Variants in SV2C observed in about 807,000 individuals in gnomAD.
SV2C encodes the protein synaptic vesicle glycoprotein 2C, also known as solute carrier family 22 member B3.
Under a neutral mutation model 79.7 loss-of-function variants are expected in SV2C, and 49 were observed. The observed-to-expected ratio is 0.61, with a 90% CI of 0.49 to 0.78. The LOEUF (loss-of-function observed/expected upper bound fraction) is 0.78. Ranked by LOEUF, SV2C falls within the 30% of genes least tolerant of loss-of-function variation. The probability of loss-of-function intolerance (pLI) is 0.00; values close to 1 mark genes in which losing one functional copy is unlikely to be tolerated. For synonymous variants in SV2C, 334 were observed against 333.2 expected (o/e 1.00, Z -0.03); for missense variants, 833 against 912.9 (o/e 0.91, Z 1.13).
the SV2C span, among the ~76,000 whole-genome samples, chr5:75,971,524 A>T: frequency 6.6e-6 from 1 of 152,088 alleles, no homozygotes; most frequent in Non-Finnish European, 1.5e-5. Flanking sequence ...ATTCTTATAC[A>T]CCAATAACAG....
At chr5:76,031,433 AC>A in the SV2C span, among the ~76,000 whole-genome samples, 3 of 152,064 alleles carry the variant, frequency 2.0e-5, no homozygotes, top group Non-Finnish European at 4.4e-5. Context: ...AGACCTACAC[AC>A]CCCTTCTTGC....
intron 1 of SV2C, among the ~76,000 whole-genome samples, chr5:76,089,524 A>C (rs943765755): frequency 3.3e-5 from 5 of 152,222 alleles, no homozygotes; most frequent in South Asian, 2.1e-4. Flanking sequence ...AATGATTTAT[A>C]TTCCTTTGGT....
chr5:75,889,656 TCTGAGGCA>T, the SV2C span, among the ~76,000 whole-genome samples: 2 of 152,152 alleles, frequency 1.3e-5, no homozygotes, highest in African/African-American at 4.8e-5. Flanking sequence ...ACAGTCGCAT[TCTGAGGCA>T]CTGGGGTCAG....
chr5:75,853,294 C>T, the SV2C span, among the ~76,000 whole-genome samples: 3 of 152,190 alleles, frequency 2.0e-5, no homozygotes, highest in South Asian at 4.1e-4. Context: ...CGGTGGCTCA[C>T]GCCTGTAATC....
intron 2 of SV2C, among the ~76,000 whole-genome samples, chr5:76,187,543 C>T (rs571104820): frequency 6.6e-6 from 1 of 152,132 alleles, no homozygotes; most frequent in East Asian, 1.9e-4. Context: ...TAAATATTCT[C>T]TCATGCAAAT....
At chr5:76,190,545 G>A (rs148279252) in intron 2 of SV2C, among the ~76,000 whole-genome samples, 14 of 152,276 alleles carry the variant, frequency 9.2e-5, no homozygotes, top group East Asian at 3.9e-4. Context: ...ATCTAGAGTC[G>A]GGGATTCGCT....
intron 2 of SV2C, among the ~76,000 whole-genome samples, chr5:76,142,266 T>C (rs1325015723): frequency 6.6e-6 from 1 of 152,166 alleles, no homozygotes. Context: ...AAAATTGAGG[T>C]CTCTAATCAA....
chr5:76,283,845 C>T (rs1233179410), intron 4 of SV2C, among the ~76,000 whole-genome samples: 1 of 152,160 alleles, frequency 6.6e-6, no homozygotes, highest in East Asian at 1.9e-4. Flanking sequence ...GATTCTGTCT[C>T]AAGTCCTGGC....
At chr5:75,936,972 A>G in the SV2C span, among the ~76,000 whole-genome samples, 4 of 152,222 alleles carry the variant, frequency 2.6e-5, no homozygotes, top group Non-Finnish European at 5.9e-5. Flanking sequence ...AACCATCTTA[A>G]TAATCAATGG....
the SV2C span, among the ~76,000 whole-genome samples, chr5:75,896,813 G>A: frequency 2.0e-5 from 3 of 148,924 alleles, no homozygotes; most frequent in Non-Finnish European, 2.9e-5. Flanking sequence ...TTTCTCTGAC[G>A]GCCAGTGATG....
chr5:76,112,242 A>T (rs1294768892), intron 1 of SV2C, among the ~76,000 whole-genome samples: 1 of 152,162 alleles, frequency 6.6e-6, no homozygotes, highest in Non-Finnish European at 1.5e-5. Context: ...GGCATAAAGG[A>T]TCAGGGCATG....
chr5:76,276,040 G>A (rs1187451903), intron 4 of SV2C, among the ~76,000 whole-genome samples: 1 of 152,202 alleles, frequency 6.6e-6, no homozygotes, highest in Non-Finnish European at 1.5e-5. Context: ...CACTTTCCCA[G>A]TTGATTGTGG....
At chr5:75,911,904 C>T in the SV2C span, 28 of 499,762 alleles carry the variant, frequency 5.6e-5, no homozygotes, top group African/African-American at 5.3e-4. Context: ...TCACCCCACA[C>T]CTCCCCAAAG....
At chr5:75,955,452 A>G in the SV2C span, among the ~76,000 whole-genome samples, 1 of 151,154 alleles carries the variant, frequency 6.6e-6, no homozygotes, top group African/African-American at 2.5e-5. Context: ...CTAGAAGAAA[A>G]CTTAGGCATT....
the SV2C span, among the ~76,000 whole-genome samples, chr5:75,904,034 A>G: frequency 6.6e-6 from 1 of 152,158 alleles, no homozygotes; most frequent in Non-Finnish European, 1.5e-5. Context: ...GGGGGTGGTT[A>G]TAGAGTTTTA....
intron 4 of SV2C, among the ~76,000 whole-genome samples, chr5:76,280,637 C>A (rs981691080): frequency 3.3e-5 from 5 of 152,166 alleles, no homozygotes; most frequent in African/African-American, 9.7e-5. Context: ...AAGGAGGGAG[C>A]CTGCCCCGGC....
the SV2C span, among the ~76,000 whole-genome samples, chr5:76,048,831 G>T: frequency 0.34 from 44,710 of 132,050 alleles, 10,077 homozygotes; most frequent in African/African-American, 0.63. Context: ...AAAAAATTTT[G>T]GGGCTGTTTA....
chr5:76,299,081 G>C (rs1291141825), intron 10 of SV2C, among the ~76,000 whole-genome samples, 154 bp downstream of exon 10: 1 of 152,170 alleles, frequency 6.6e-6, no homozygotes, highest in African/African-American at 2.4e-5. Flanking sequence ...TCAAAGGTTG[G>C]CTTGTATTGT....
At chr5:76,077,768 C>A in the SV2C span, among the ~76,000 whole-genome samples, 1 of 152,182 alleles carries the variant, frequency 6.6e-6, no homozygotes, top group Non-Finnish European at 1.5e-5. Context: ...GAAGAGCACA[C>A]TGAAGGGGAG....
Sources: allele counts gnomAD v4.1 joint callset (sites outside exome capture counted in the v4.1 genomes callset), GRCh38; gene constraint gnomAD v4.1.1; transcripts MANE v1.5; gene names NCBI Gene and HGNC (gene_info 2026-07-23, HGNC 2026-07-21).